The following MALRD1 variants were observed in gnomAD, a reference collection of about 807,000 sequenced individuals.
MALRD1 encodes the protein MAM and LDL receptor class A domain containing 1.
Under a neutral mutation model 242.1 loss-of-function variants are expected in MALRD1, and 247 were observed. The observed-to-expected ratio is 1.02, with a 90% confidence interval of 0.92 to 1.13. The LOEUF (loss-of-function observed/expected upper bound fraction) is 1.13. Ranked by LOEUF, MALRD1 falls within the 50% of genes most tolerant of loss-of-function variation. The probability of loss-of-function intolerance (pLI) is 0.00; values close to 1 mark genes in which losing one functional copy is unlikely to be tolerated. For synonymous variants in MALRD1, 995 were observed against 866.6 expected (o/e 1.15, Z -2.60); for missense variants, 2,989 against 2,533.1 (o/e 1.18, Z -3.86).
chr10:19,445,122 T>A (rs1834894688), intron 28 of MALRD1, among the ~76,000 whole-genome samples: 2 of 152,228 alleles, frequency 1.3e-5, no homozygotes, highest in Admixed American at 6.5e-5. Context: ...TGTGCATGTA[T>A]CACATAGCTC....
chr10:19,454,413 T>TATATATATAC (rs1429316645), intron 29 of MALRD1, among the ~76,000 whole-genome samples: 1 of 133,138 alleles, frequency 7.5e-6, no homozygotes, highest in African/African-American at 2.7e-5. Context: ...ATGATATATA[T>TATATATATAC]ATATATATAT....
intron 28 of MALRD1, among the ~76,000 whole-genome samples, chr10:19,443,260 CA>C (rs756234971): frequency 6.6e-6 from 1 of 152,076 alleles, no homozygotes; most frequent in Non-Finnish European, 1.5e-5. Flanking sequence ...TTGATCTTTT[CA>C]AAAAATCAGC....
chr10:19,362,928 A>G (rs1844952623), intron 26 of MALRD1, among the ~76,000 whole-genome samples: 1 of 152,036 alleles, frequency 6.6e-6, no homozygotes, highest in Admixed American at 6.6e-5. Flanking sequence ...GAGAGGTAAA[A>G]AGAGGAATTA....
In MALRD1 at chr10:19,101,534, ATAT is replaced by A. The variant is rs1483953349; in HGVS notation, c.598-2441_598-2439del. ...TATCATTATATAATATATAATATTG[ATAT>A]TATAACATATAAAATATATAATATG... On this transcript the variant is annotated intron_variant, in intron 4 of 39. Transcript: ENST00000454679. Among the ~76,000 whole-genome samples the A allele has an allele frequency of 4.4e-5, 6 of 136,502 alleles. No homozygotes were observed. The East Asian group carries it at 1.0e-3, about 24-fold the overall frequency. The allele number at this position is 136,502 out of a possible 152,430, so 89.6% of individuals were successfully genotyped here. A position where few individuals can be genotyped will look rare whatever the true frequency, so the allele number is the denominator to read the frequency against.
intron 4 of MALRD1, 37 bp from the exon 5 acceptor site, chr10:19,103,942 T>G: frequency 8.7e-7 from 1 of 1,154,322 alleles, no homozygotes; most frequent in Non-Finnish European, 1.1e-6. Flanking sequence ...CCTTGCTTTA[T>G]GTTTTTGTTT....
chr10:19,449,496 G>A lies in MALRD1; in HGVS notation c.4846-811G>A, dbSNP rs934173678. ...TGCGAATTCTGCTAGTTTTTATTTT[G>A]GGAAATATTTTAGTAGATTAATATG... On this transcript the variant is annotated intron_variant, in intron 28 of 39. Transcript: ENST00000454679. Among the ~76,000 whole-genome samples the A allele has an allele frequency of 1.3e-4, 20 of 152,098 alleles. No individual in the cohort carries two copies. The East Asian group carries it at 3.1e-3, about 23-fold the overall frequency.
chr10:19,400,693 A>G (rs1846798478), intron 28 of MALRD1, among the ~76,000 whole-genome samples: 1 of 152,116 alleles, frequency 6.6e-6, no homozygotes, highest in Non-Finnish European at 1.5e-5. Context: ...ATTAAATTGG[A>G]TTTTGAAAGA....
intron 29 of MALRD1, among the ~76,000 whole-genome samples, chr10:19,453,369 A>C (rs1835431152): frequency 6.6e-6 from 1 of 152,144 alleles, no homozygotes; most frequent in South Asian, 2.1e-4. Flanking sequence ...GGGAATGGGG[A>C]GAGGGGAATG....
Position 19,567,712 on chromosome 10 carries a change from T to C in MALRD1, c.5680+9T>C, listed in dbSNP as rs906112160. Reference sequence around the variant, plus strand: ...AGAGTGTGTGACTGGAGGTAAGTGATTCTTTCAGAAAATGGGAATAAGTAT... The same window carrying C: ...AGAGTGTGTGACTGGAGGTAAGTGACTCTTTCAGAAAATGGGAATAAGTAT... On this transcript the variant is annotated intron_variant, in intron 33 of 39. Coordinates refer to ENST00000454679, the MANE Select transcript of MALRD1 (RefSeq NM_001142308.3). 5.2e-5 allele frequency: 81 copies of C among 1,548,348 alleles called. No individual in the cohort carries two copies. Among genetic ancestry groups the C allele is most frequent in the Non-Finnish European group, 5.2e-5 (59 of 1,145,112 alleles).
intron 12 of MALRD1, among the ~76,000 whole-genome samples, chr10:19,161,550 C>CAAAAA: frequency 2.1e-4 from 13 of 60,838 alleles, no homozygotes; most frequent in Non-Finnish European, 2.7e-4. Context: ...AAAAAAAAAG[C>CAAAAA]AAAAAAAAAA....
intron 32 of MALRD1, among the ~76,000 whole-genome samples, chr10:19,547,309 A>G (rs1193479735): frequency 1.3e-5 from 2 of 152,094 alleles, no homozygotes; most frequent in African/African-American, 2.4e-5. Flanking sequence ...TGAGACATTC[A>G]GTGATGTTTA....
At chr10:19,294,378 A>G (rs992002329) in intron 21 of MALRD1, among the ~76,000 whole-genome samples, 5 of 152,206 alleles carry the variant, frequency 3.3e-5, no homozygotes, top group African/African-American at 1.2e-4. Context: ...ATGAAATATG[A>G]ATCATTTTTA....
chr10:19,109,615 A>G (rs1045033475), intron 5 of MALRD1, among the ~76,000 whole-genome samples: 2 of 152,224 alleles, frequency 1.3e-5, no homozygotes, highest in Admixed American at 1.3e-4. Flanking sequence ...ACAGAAGTAG[A>G]TAGCTATAGC....
At position 19,175,339 on chromosome 10, in the gene MALRD1, C is replaced by G; in HGVS notation, c.1951+11C>G. On this transcript the variant is annotated intron_variant, in intron 14 of 39. Transcript: ENST00000454679. Reference sequence around the variant, plus strand: ...GTACACAAAGCAAGTGTAAGTTTTTCCTTGTCGTTGTTGCTGTTTTAAACA... The same window carrying G: ...GTACACAAAGCAAGTGTAAGTTTTTGCTTGTCGTTGTTGCTGTTTTAAACA... 8 of 1,228,644 alleles carry G rather than the reference C, an allele frequency of 6.5e-6. No homozygotes were observed. The highest frequency in any genetic ancestry group is 5.1e-6 in the Non-Finnish European group (5 of 986,074). The allele number at this position is 1,228,644 out of a possible 1,614,324, so 76.1% of individuals were successfully genotyped here.
At chr10:19,218,218 C>G (rs1430960520) in intron 18 of MALRD1, among the ~76,000 whole-genome samples, 2 of 152,018 alleles carry the variant, frequency 1.3e-5, no homozygotes, top group Non-Finnish European at 2.9e-5. Context: ...GCTTATTGTT[C>G]ACATTTAGTA....
intron 28 of MALRD1, among the ~76,000 whole-genome samples, chr10:19,442,916 C>G (rs1834750877): frequency 6.6e-6 from 1 of 152,156 alleles, no homozygotes; most frequent in Admixed American, 6.5e-5. Flanking sequence ...CTTTGTACCT[C>G]TGGTAGAATT....
At chr10:19,437,641 T>C (rs1038568472) in intron 28 of MALRD1, among the ~76,000 whole-genome samples, 6 of 152,130 alleles carry the variant, frequency 3.9e-5, no homozygotes, top group African/African-American at 1.2e-4. Context: ...TTTTGCTTAC[T>C]AGTGTTAATA....
rs1484828937 is a variant in MALRD1 at position 19,389,530 on chromosome 10, A to G, written c.4766A>G (p.Glu1589Gly). Residue 1589 changes from glutamate to glycine, a missense_variant, in exon 28 of 40, where the codon GAA (glutamate) becomes GGA (glycine). Physicochemically the swap from Glu to Gly is moderately conservative, Grantham distance 98 (BLOSUM62 -2). Coordinates refer to ENST00000454679, the MANE Select transcript of MALRD1 (RefSeq NM_001142308.3). ...KAHFRSTMWR[E>G]SSAACTMSFW... Reference sequence around the variant, plus strand: ...CACTTCAGGAGTACCATGTGGCGAGAATCCAGTGCAGCCTGCACCATGAGC... The same window carrying G: ...CACTTCAGGAGTACCATGTGGCGAGGATCCAGTGCAGCCTGCACCATGAGC... The G allele has an allele frequency of 1.4e-5, 21 of 1,550,702 alleles. No homozygotes were observed. Among genetic ancestry groups the G allele is most frequent in the Admixed American group, 2.0e-5 (1 of 50,992 alleles).
chr10:19,487,183 A>G (rs1837271216), intron 29 of MALRD1, among the ~76,000 whole-genome samples: 1 of 152,088 alleles, frequency 6.6e-6, no homozygotes, highest in African/African-American at 2.4e-5. Context: ...AATATGTGAG[A>G]TATCTTTCAT....
Sources: allele counts gnomAD v4.1 joint callset (sites outside exome capture counted in the v4.1 genomes callset), GRCh38; gene constraint gnomAD v4.1.1; transcripts MANE v1.5; gene names NCBI Gene and HGNC (gene_info 2026-07-23, HGNC 2026-07-21).